The following TP53INP1 variants were observed in gnomAD, a reference collection of about 807,000 sequenced individuals.
TP53INP1 encodes the protein tumor protein p53-inducible nuclear protein 1.
Under a neutral mutation model 21.0 loss-of-function variants are expected in TP53INP1, and 12 were observed. The observed-to-expected ratio is 0.57, with a 90% CI of 0.37 to 0.93. The LOEUF (loss-of-function observed/expected upper bound fraction) is 0.93, where lower values mean the gene tolerates loss of function less well. TP53INP1 is among the 40% of genes least tolerant of loss of function. The pLI, the probability that TP53INP1 is intolerant of heterozygous loss-of-function variation, is 0.01. For missense variants in TP53INP1, 274 were observed against 294.7 expected (o/e 0.93, Z 0.51); for synonymous variants, 91 against 94.8 (o/e 0.96, Z 0.23).
chr8:94,934,027 A>G (rs1820719331), intron 3 of TP53INP1, among the ~76,000 whole-genome samples: 1 of 152,012 alleles, frequency 6.6e-6, no homozygotes, highest in East Asian at 1.9e-4. Context: ...CAGTGAGCCA[A>G]GATTGCAACA....
chr8:94,941,646 A>G (rs1821546599), intron 1 of TP53INP1, among the ~76,000 whole-genome samples: 1 of 152,224 alleles, frequency 6.6e-6, no homozygotes, highest in Non-Finnish European at 1.5e-5. Flanking sequence ...TTTACACTGT[A>G]GGAAACTGAG....
intron 3 of TP53INP1, chr8:94,932,135 A>C: frequency 6.3e-7 from 1 of 1,599,626 alleles, no homozygotes; most frequent in Non-Finnish European, 8.5e-7. Flanking sequence ...TGAACTATTA[A>C]ATCACTAGTA....
Position 94,949,151 on chromosome 8 carries a change from T to TA in TP53INP1, c.-151+2dup, listed in dbSNP as rs1483773020. The TA allele has an allele frequency of 6.7e-6, 1 of 148,502 alleles. No individual in the cohort carries two copies. Among genetic ancestry groups the TA allele is most frequent in the Non-Finnish European group, 1.5e-5 (1 of 66,594 alleles). The allele number at this position is 148,502 out of a possible 1,614,324, so 9.2% of individuals were successfully genotyped here. On this transcript the variant is annotated splice_region_variant and intron_variant, in intron 1 of 3. Coordinates refer to ENST00000342697, the MANE Select transcript of TP53INP1 (RefSeq NM_033285.4). ...CGCCCGCCCGCCCCCCCCCGGCACT[T>TA]ACGTGGGCCCGGGCCGTGCGGGGCT...
chr8:94,930,249 TC>T lies in TP53INP1; in HGVS notation c.*229del. The T allele has an allele frequency of 1.8e-6, 1 of 550,486 alleles. No individual in the cohort carries two copies. 34.1% of individuals were successfully genotyped at this position (550,486 alleles called of 1,614,324 possible). On this transcript the variant is annotated 3_prime_UTR_variant, in exon 4 of 4. Coordinates refer to ENST00000342697, the MANE Select transcript of TP53INP1 (RefSeq NM_033285.4). ...AACACTGTAATTATATTGATATGTT[TC>T]CAGAAATAATCTGAAAAAGTGTACA... is the stretch of plus-strand genomic sequence containing the variant.
chr8:94,941,778 T>A (rs1286945302), intron 1 of TP53INP1, among the ~76,000 whole-genome samples: 1 of 152,184 alleles, frequency 6.6e-6, no homozygotes, highest in Non-Finnish European at 1.5e-5. Context: ...GTTAGGAAGT[T>A]ATGTGACTTC....
In TP53INP1 at chr8:94,926,491, T is replaced by C. The variant is rs1342435885; in HGVS notation, c.*3988A>G. ...AGGAAAATACAAGCAAAACCACTCA[T>C]ACACTCCAAGCCTGAAACACACATC... On this transcript the variant is annotated 3_prime_UTR_variant, in exon 4 of 4. Coordinates refer to ENST00000342697, the MANE Select transcript of TP53INP1 (RefSeq NM_033285.4). The C allele has an allele frequency of 6.6e-6, 1 of 150,634 alleles. No individual in the cohort carries two copies. Among genetic ancestry groups the C allele is most frequent in the Non-Finnish European group, 1.5e-5 (1 of 67,834 alleles). 9.3% of individuals were successfully genotyped at this position (150,634 alleles called of 1,614,324 possible). A position where few individuals can be genotyped will look rare whatever the true frequency, so the allele number is the denominator to read the frequency against.
At chr8:94,943,142 G>C (rs1169380528) in intron 1 of TP53INP1, among the ~76,000 whole-genome samples, 1 of 152,188 alleles carries the variant, frequency 6.6e-6, no homozygotes, top group Non-Finnish European at 1.5e-5. Context: ...TGTGGTCTCA[G>C]CTAGGGGCAT....
chr8:94,948,915 T>A (rs1315154787), intron 1 of TP53INP1, among the ~76,000 whole-genome samples: 3 of 150,978 alleles, frequency 2.0e-5, no homozygotes, highest in Admixed American at 6.6e-5. Context: ...GCCGCCTCTG[T>A]CAGCCTCTGT....
rs760551466 is a variant in TP53INP1 at position 94,930,650 on chromosome 8, T to C, written c.552A>G (p.Glu184=). ...GGGAAGGGCGAAAGCTCTTGGGTTG[T>C]TCCAGAAAAGTTGTATGAGCAGCAA... ...AALAAHTTFL[E]QPKSFRPSQW... is the part of the protein sequence containing the mutation. The change falls in exon 4 of 4, where the codon GAA becomes GAG. Residue 184 remains glutamate, a synonymous_variant. Coordinates refer to ENST00000342697, the MANE Select transcript of TP53INP1 (RefSeq NM_033285.4). The C allele has an allele frequency of 6.2e-7, 1 of 1,614,240 alleles. No individual in the cohort carries two copies. The highest frequency in any genetic ancestry group is 8.5e-7 in the Non-Finnish European group (1 of 1,180,030).
At chr8:94,947,330 T>TA (rs1051992843) in intron 1 of TP53INP1, among the ~76,000 whole-genome samples, 1 of 150,986 alleles carries the variant, frequency 6.6e-6, no homozygotes, top group African/African-American at 2.4e-5. Context: ...AACTTCTAAA[T>TA]CTGTGTACAG....
rs548441545 is a variant in TP53INP1 at position 94,940,183 on chromosome 8, T to C, written c.150A>G (p.Glu50=). 1.5e-5 allele frequency: 24 copies of C among 1,566,348 alleles called. No homozygotes were observed. The highest frequency in any genetic ancestry group is 4.6e-5 in the South Asian group (4 of 86,204). The change falls in exon 3 of 4, where the codon GAA becomes GAG. Residue 50 remains glutamate (E), a synonymous_variant. Coordinates refer to ENST00000342697, the MANE Select transcript of TP53INP1 (RefSeq NM_033285.4). Reference sequence around the variant, plus strand: ...GTGACTCTTCACTGATGTCCTCCTCTTCTTCTTCTTCTTCTGCTGAGAAAC... The same window carrying C: ...GTGACTCTTCACTGATGTCCTCCTCCTCTTCTTCTTCTTCTGCTGAGAAAC... The part of the protein sequence containing the change: ...CTGFSAEEEE[E]EEDISEESPT...
intron 3 of TP53INP1, 105 bp from the exon 4 acceptor site, chr8:94,930,833 C>CAAAT: frequency 7.9e-7 from 1 of 1,262,866 alleles, no homozygotes; most frequent in Non-Finnish European, 1.1e-6. Context: ...TTGTTTATGG[C>CAAAT]TGAATGAGAG....
intron 3 of TP53INP1, among the ~76,000 whole-genome samples, chr8:94,934,079 A>G (rs1586706510): frequency 1.3e-5 from 2 of 148,442 alleles, no homozygotes; most frequent in African/African-American, 4.9e-5. Flanking sequence ...CTCTGTCTCA[A>G]AAAAAAAAAA....
At chr8:94,944,684 G>A (rs200132809) in intron 1 of TP53INP1, among the ~76,000 whole-genome samples, 13 of 152,160 alleles carry the variant, frequency 8.5e-5, no homozygotes, top group African/African-American at 3.1e-4. Flanking sequence ...GCTGACACCC[G>A]TGGGAAGAAC....
chr8:94,929,459 TTCAC>T lies in TP53INP1; in HGVS notation c.*1016_*1019del, dbSNP rs1385131572. ...AAAAAGTTGAGCCAACCTGTCACTCTTCACTCAGATGCCATGAAAGACATCATCA... is the reference window on the plus strand; with the variant it reads ...AAAAAGTTGAGCCAACCTGTCACTCTTCAGATGCCATGAAAGACATCATCA... On this transcript the variant is annotated 3_prime_UTR_variant, in exon 4 of 4. Coordinates refer to ENST00000342697, the MANE Select transcript of TP53INP1 (RefSeq NM_033285.4). 6.6e-6 allele frequency: 1 copy of T among 151,836 alleles called. No homozygotes were observed. Among genetic ancestry groups the T allele is most frequent in the Non-Finnish European group, 1.5e-5 (1 of 67,998 alleles). The allele number at this position is 151,836 out of a possible 1,614,324, so 9.4% of individuals were successfully genotyped here. A position where few individuals can be genotyped will look rare whatever the true frequency, so the allele number is the denominator to read the frequency against.
At chr8:94,942,369 T>A (rs1339700663) in intron 1 of TP53INP1, among the ~76,000 whole-genome samples, 1 of 151,818 alleles carries the variant, frequency 6.6e-6, no homozygotes, top group Non-Finnish European at 1.5e-5. Flanking sequence ...TCACCCCTCA[T>A]CCCAACCACC....
At position 94,931,833 on chromosome 8, in the gene TP53INP1, G is replaced by A. The variant is rs527728924; in HGVS notation, c.474-1105C>T. ...CTAAAAATACAAAAATTAGCCAGGT[G>A]TGGTGATGCAAGCCTGTAATCCCAG... On this transcript the variant is annotated intron_variant, in intron 3 of 3. Transcript: ENST00000342697. Among the ~76,000 whole-genome samples the A allele has an allele frequency of 1.4e-3, 206 of 152,186 alleles. 2 individuals carry two copies. In the South Asian group the frequency reaches 0.019, roughly 14 times the overall value.
chr8:94,931,111 C>T (rs1439160347), intron 3 of TP53INP1, among the ~76,000 whole-genome samples: 2 of 152,168 alleles, frequency 1.3e-5, no homozygotes, highest in African/African-American at 4.8e-5. Flanking sequence ...TTAATTCTCA[C>T]CATAATCTTA....
At chr8:94,948,658 G>T (rs896852) in intron 1 of TP53INP1, among the ~76,000 whole-genome samples, 69,928 of 151,900 alleles carry the variant, frequency 0.46, 17,066 homozygotes, top group East Asian at 0.72. Context: ...AAGCCCAAGC[G>T]CCGCTGTCTT....
Sources: allele counts gnomAD v4.1 joint callset (sites outside exome capture counted in the v4.1 genomes callset), GRCh38; gene constraint gnomAD v4.1.1; transcripts MANE v1.5; gene names NCBI Gene and HGNC (gene_info 2026-07-23, HGNC 2026-07-21).